The following CFAP77 variants were observed in gnomAD, a reference collection of about 807,000 sequenced individuals.
The protein encoded by CFAP77 is cilia and flagella associated protein 77.
CFAP77 carries 25 observed loss-of-function variants against 31.1 expected under a neutral mutation model. The observed-to-expected ratio is 0.80, with a 90% CI of 0.59 to 1.12. The LOEUF (loss-of-function observed/expected upper bound fraction) is 1.12, where lower values mean the gene tolerates loss of function less well. Among genes scored for constraint, CFAP77 ranks in the 50% most tolerant of loss-of-function variants. The pLI, the probability that CFAP77 is intolerant of heterozygous loss-of-function variation, is 0.00. For missense variants in CFAP77, 377 were observed against 397.3 expected (o/e 0.95, Z 0.44); for synonymous variants, 151 against 159.9 (o/e 0.94, Z 0.42).
At chr9:132,453,216 C>T (rs991764564) in intron 1 of CFAP77, among the ~76,000 whole-genome samples, 2 of 152,098 alleles carry the variant, frequency 1.3e-5, no homozygotes, top group Non-Finnish European at 1.5e-5. Flanking sequence ...CCAAATTTAA[C>T]GTTCAGCTTT....
chr9:132,410,304 C>CT lies in CFAP77; in HGVS notation c.33_34insT (p.Thr12TyrfsTer56). 1 of 1,593,324 alleles carries CT rather than the reference C, an allele frequency of 6.3e-7. No homozygotes were observed. The highest frequency in any genetic ancestry group is 8.5e-7 in the Non-Finnish European group (1 of 1,171,470). On this transcript the variant is annotated frameshift_variant, in exon 1 of 6. Transcript: ENST00000393216. LOFTEE classifies it high-confidence loss of function. ...AGGCCAGGAGCTCCGGCCCGGACCTCACGCGATGGAGGAAGCAGCAGCAGC... is the reference window on the plus strand; with the variant it reads ...AGGCCAGGAGCTCCGGCCCGGACCTCTACGCGATGGAGGAAGCAGCAGCAGC...
In CFAP77 at chr9:132,572,475, G is replaced by T. The variant is rs1364194120; in HGVS notation, c.820G>T (p.Gly274Trp). The change falls in exon 6 of 6, where the codon GGG (glycine) becomes TGG (tryptophan). Residue 274 changes from glycine to tryptophan, a missense_variant. Transcript: ENST00000393216. ...AHREECAVRQ[G>W]TLRMGNYTHP is the part of the protein sequence containing the mutation. ...CCGGGAAGAGTGTGCCGTGCGCCAG[G>T]GGACCCTGCGGATGGGCAACTACAC... The T allele has an allele frequency of 1.9e-6, 3 of 1,609,216 alleles. No individual in the cohort carries two copies. In the South Asian group the frequency reaches 3.3e-5, roughly 18 times the overall value.
At chr9:132,440,410 A>G (rs969116344) in intron 1 of CFAP77, among the ~76,000 whole-genome samples, 1 of 152,144 alleles carries the variant, frequency 6.6e-6, no homozygotes, top group Non-Finnish European at 1.5e-5. Context: ...GGGCCAAGAA[A>G]TGGTTTTACA....
At chr9:132,487,930 G>A (rs112028698) in intron 1 of CFAP77, among the ~76,000 whole-genome samples, 3 of 151,964 alleles carry the variant, frequency 2.0e-5, no homozygotes, top group African/African-American at 7.3e-5. Context: ...CTTTTCATTC[G>A]AGGATCTTAA....
chr9:132,467,083 C>T (rs940412967), intron 1 of CFAP77, among the ~76,000 whole-genome samples: 2 of 152,146 alleles, frequency 1.3e-5, no homozygotes, highest in Non-Finnish European at 2.9e-5. Context: ...GAAGCTGAAG[C>T]AGGAGAATCG....
At chr9:132,468,811 G>A (rs1280242115) in intron 1 of CFAP77, among the ~76,000 whole-genome samples, 10 of 127,800 alleles carry the variant, frequency 7.8e-5, no homozygotes, top group Middle Eastern at 3.8e-3. Flanking sequence ...ACACACACAC[G>A]CACGCACACA....
intron 5 of CFAP77, among the ~76,000 whole-genome samples, chr9:132,549,424 T>C (rs1488066533): frequency 6.6e-6 from 1 of 152,104 alleles, no homozygotes; most frequent in Non-Finnish European, 1.5e-5. Context: ...CATGCGGAAA[T>C]AGGGCAATGG....
In CFAP77 at chr9:132,481,550, G is replaced by C. The variant is rs1045216922; in HGVS notation, c.196-17145G>C. On this transcript the variant is annotated intron_variant, in intron 1 of 5. Coordinates refer to ENST00000393216, the MANE Select transcript of CFAP77 (RefSeq NM_001282957.2). This position sits in a 1 kb window ranked among gnomAD's most constrained non-coding sequence, Gnocchi z 5.0. ...TGCTGCCCCGCTCCTGCTAGAGGAG[G>C]AGAAGCATTGCTGCTGAGGCCTCTG... Among the ~76,000 whole-genome samples, 26 of 152,330 alleles carry C rather than the reference G, an allele frequency of 1.7e-4. No homozygotes were observed. Among genetic ancestry groups the C allele is most frequent in the African/African-American group, 6.0e-4 (25 of 41,570 alleles).
At chr9:132,489,640 C>T (rs73659056) in intron 1 of CFAP77, among the ~76,000 whole-genome samples, 44 of 152,318 alleles carry the variant, frequency 2.9e-4, no homozygotes, top group African/African-American at 1.1e-3. Context: ...TTCTTTGCTG[C>T]ATGGTGGTTC....
intron 3 of CFAP77, among the ~76,000 whole-genome samples, chr9:132,533,731 A>G (rs1437111529): frequency 1.3e-5 from 2 of 152,182 alleles, no homozygotes; most frequent in Non-Finnish European, 2.9e-5. Flanking sequence ...AAATGCAAAA[A>G]TTAGCTGGGC....
intron 1 of CFAP77, among the ~76,000 whole-genome samples, chr9:132,488,361 T>C (rs891680962): frequency 6.6e-6 from 1 of 152,226 alleles, no homozygotes; most frequent in Non-Finnish European, 1.5e-5. Flanking sequence ...GCCAGCTGGC[T>C]TCCCCACTTT....
intron 3 of CFAP77, among the ~76,000 whole-genome samples, chr9:132,522,477 T>A (rs944806): frequency 0.44 from 67,027 of 152,056 alleles, 15,396 homozygotes; most frequent in East Asian, 0.77. Flanking sequence ...CTCAAAAGAA[T>A]GGACGGCTGT....
At chr9:132,460,407 A>G (rs1322620817) in intron 1 of CFAP77, among the ~76,000 whole-genome samples, 1 of 152,236 alleles carries the variant, frequency 6.6e-6, no homozygotes, top group Admixed American at 6.5e-5. Flanking sequence ...TGGCCTATCC[A>G]TATGGTGGAA....
chr9:132,520,480 C>T (rs12379428), intron 3 of CFAP77, among the ~76,000 whole-genome samples: 1 of 152,034 alleles, frequency 6.6e-6, no homozygotes, highest in Non-Finnish European at 1.5e-5. Flanking sequence ...ACTCCCACCT[C>T]TACAAAAATT....
At chr9:132,474,178 A>C (rs1167035771) in intron 1 of CFAP77, among the ~76,000 whole-genome samples, 1 of 152,110 alleles carries the variant, frequency 6.6e-6, no homozygotes, top group Non-Finnish European at 1.5e-5. Context: ...AACAAAGCTC[A>C]TTGTGCATTT....
intron 1 of CFAP77, among the ~76,000 whole-genome samples, chr9:132,450,299 G>A (rs1785272757): frequency 1.3e-5 from 2 of 151,730 alleles, no homozygotes; most frequent in Non-Finnish European, 1.5e-5. Context: ...AGCATTTGGA[G>A]AAGCAGGGAA....
intron 3 of CFAP77, among the ~76,000 whole-genome samples, chr9:132,503,266 C>T (rs1851884219): frequency 6.6e-6 from 1 of 152,248 alleles, no homozygotes. Context: ...GCTCCCAACA[C>T]ATGTGCCCTC....
At chr9:132,416,146 C>G (rs1473244314) in intron 1 of CFAP77, among the ~76,000 whole-genome samples, 1 of 151,974 alleles carries the variant, frequency 6.6e-6, no homozygotes, top group Non-Finnish European at 1.5e-5. Flanking sequence ...GCGGTGGTCC[C>G]TGAGACCTGG....
intron 1 of CFAP77, among the ~76,000 whole-genome samples, chr9:132,432,790 T>C (rs1335102913): frequency 9.2e-5 from 14 of 152,188 alleles, no homozygotes; most frequent in Admixed American, 9.2e-4. Context: ...CTCGGCTCAC[T>C]GCAAGCTCTG....
Sources: gnomAD v4.1 joint callset for allele counts (sites outside exome capture counted in the v4.1 genomes callset) on GRCh38, gnomAD v4.1.1 for gene constraint, Gnocchi (gnomAD v3.1) non-coding constraint, MANE v1.5 for transcripts, NCBI Gene and HGNC (gene_info 2026-07-23, HGNC 2026-07-21) for gene names.